Variants in LIMCH1 observed in about 807,000 individuals in gnomAD.
The protein encoded by LIMCH1 is LIM and calponin homology domains 1.
LIMCH1 carries 113 observed loss-of-function variants against 176.5 expected under a neutral mutation model. The observed-to-expected ratio is 0.64, with a 90% CI of 0.55 to 0.75. The LOEUF (loss-of-function observed/expected upper bound fraction) is 0.75, where lower values mean the gene tolerates loss of function less well. Ranked by LOEUF, LIMCH1 falls within the 30% of genes least tolerant of loss-of-function variation. LIMCH1 has a pLI of 0.00. For synonymous variants in LIMCH1, 619 were observed against 645.9 expected, an observed-to-expected ratio of 0.96 and a Z score of 0.63; for missense variants, 1,674 against 1,814.9, an observed-to-expected ratio of 0.92 and a Z score of 1.41.
intron 1 of LIMCH1, among the ~76,000 whole-genome samples, chr4:41,486,973 T>TACACACACACAC (rs1554068488): frequency 9.6e-4 from 83 of 86,778 alleles, no homozygotes; most frequent in African/African-American, 4.1e-3. Flanking sequence ...CACACACACA[T>TACACACACACAC]ACATACACAC....
chr4:41,463,669 C>T (rs551302638), intron 1 of LIMCH1, among the ~76,000 whole-genome samples: 38 of 151,880 alleles, frequency 2.5e-4, no homozygotes, highest in Non-Finnish European at 1.6e-4. Context: ...CCCATTTCCT[C>T]AGCTCAGGCG....
At chr4:41,434,447 A>G (rs1159021561) in intron 1 of LIMCH1, among the ~76,000 whole-genome samples, 1 of 152,212 alleles carries the variant, frequency 6.6e-6, no homozygotes, top group Non-Finnish European at 1.5e-5. Context: ...TGTGATTTGC[A>G]TTCTCCATCT....
upstream of LIMCH1, chr4:41,538,033 T>G (rs1458951645): frequency 3.0e-6 from 1 of 329,026 alleles, no homozygotes; most frequent in East Asian, 1.7e-4. Context: ...CTCTGCACAA[T>G]TCCAATCCTG....
intron 6 of LIMCH1, chr4:41,619,689 T>C (rs2092414268): frequency 3.7e-6 from 2 of 540,162 alleles, no homozygotes; most frequent in Non-Finnish European, 6.6e-6. Flanking sequence ...AGCAGATTTC[T>C]GAAACCAATT....
chr4:41,474,814 C>T (rs1268942246), intron 1 of LIMCH1, among the ~76,000 whole-genome samples: 1 of 152,152 alleles, frequency 6.6e-6, no homozygotes. Flanking sequence ...TCCAGCATCC[C>T]ACCAATGGGC....
intron 1 of LIMCH1, among the ~76,000 whole-genome samples, chr4:41,562,326 A>G (rs926868043): frequency 6.6e-6 from 1 of 152,048 alleles, no homozygotes; most frequent in African/African-American, 2.4e-5. Context: ...TGTGGTGAGG[A>G]TGAGTCAGGC....
chr4:41,651,659 G>T (rs1211799319), intron 18 of LIMCH1, among the ~76,000 whole-genome samples: 1 of 152,086 alleles, frequency 6.6e-6, no homozygotes, highest in African/African-American at 2.4e-5. Flanking sequence ...GGTGCTATCA[G>T]AATCTAGCTT....
intron 1 of LIMCH1, among the ~76,000 whole-genome samples, chr4:41,584,368 C>T (rs1436197863): frequency 6.6e-6 from 1 of 152,102 alleles, no homozygotes; most frequent in Non-Finnish European, 1.5e-5. Flanking sequence ...CTATTTGACT[C>T]CTATTTGAAT....
At chr4:41,497,491 A>G (rs1475595900) in intron 2 of LIMCH1, among the ~76,000 whole-genome samples, 1 of 152,184 alleles carries the variant, frequency 6.6e-6, no homozygotes, top group East Asian at 1.9e-4. Context: ...TAACTTGGCT[A>G]AGATCATACA....
At position 41,541,105 on chromosome 4, in the gene LIMCH1, G is replaced by A. The variant is rs561867272; in HGVS notation, c.-241+2755G>A. Among the ~76,000 whole-genome samples, 7 of 152,304 alleles carry A rather than the reference G, an allele frequency of 4.6e-5. No homozygotes were observed. The East Asian group carries it at 7.7e-4, about 17-fold the overall frequency. ...TAAAGGCAGTGAAAGAAATGTAGAC[G>A]TGGGCATTGGATTGAACCATGAAAC... On this transcript the variant is annotated intron_variant, in intron 1 of 31. Transcript: ENST00000503057.
intron 8 of LIMCH1, among the ~76,000 whole-genome samples, chr4:41,628,296 T>C (rs1243591117): frequency 2.0e-5 from 3 of 152,156 alleles, no homozygotes; most frequent in African/African-American, 7.2e-5. Flanking sequence ...CTCCTCCATG[T>C]AATTTTAATT....
intron 5 of LIMCH1, among the ~76,000 whole-genome samples, chr4:41,618,231 T>C (rs1297141795): frequency 6.6e-6 from 1 of 152,194 alleles, no homozygotes; most frequent in African/African-American, 2.4e-5. Flanking sequence ...TGGCCGCTAC[T>C]TATATGGCAG....
At chr4:41,532,395 A>C (rs1250693166) in intron 3 of LIMCH1, among the ~76,000 whole-genome samples, 1 of 152,232 alleles carries the variant, frequency 6.6e-6, no homozygotes, top group East Asian at 1.9e-4. Flanking sequence ...ATGTGGAATA[A>C]AATCCAAACA....
At chr4:41,369,959 T>TGTGTGTGTGTGTGTGTG (rs57269261) in intron 1 of LIMCH1, among the ~76,000 whole-genome samples, 11 of 144,316 alleles carry the variant, frequency 7.6e-5, no homozygotes, top group Middle Eastern at 3.7e-3. Flanking sequence ...TGTGTGTGTG[T>TGTGTGTGTGTGTGTGTG]TTTGTAGTGA....
At chr4:41,569,589 G>A (rs866909915) in intron 1 of LIMCH1, among the ~76,000 whole-genome samples, 4 of 152,266 alleles carry the variant, frequency 2.6e-5, no homozygotes, top group South Asian at 2.1e-4. Context: ...TGAAATCTAG[G>A]ACCTGTTTTA....
At chr4:41,541,915 A>G (rs551169710) in intron 1 of LIMCH1, among the ~76,000 whole-genome samples, 2 of 152,304 alleles carry the variant, frequency 1.3e-5, no homozygotes, top group South Asian at 2.1e-4. Context: ...AATACCATAA[A>G]GGACACAACT....
intron 8 of LIMCH1, among the ~76,000 whole-genome samples, chr4:41,627,908 G>A (rs1160765174): frequency 6.6e-6 from 1 of 152,188 alleles, no homozygotes; most frequent in Non-Finnish European, 1.5e-5. Context: ...TATCTCAGCT[G>A]TGCTTTAGAC....
chr4:41,598,658 T>A (rs2089372125), intron 1 of LIMCH1, among the ~76,000 whole-genome samples: 1 of 152,192 alleles, frequency 6.6e-6, no homozygotes, highest in Admixed American at 6.5e-5. Context: ...AGTTTTCCTT[T>A]TTAATGGCAT....
chr4:41,629,374 T>C, intron 8 of LIMCH1, 118 bp from the exon 9 acceptor site: 1 of 1,181,190 alleles, frequency 8.5e-7, no homozygotes, highest in Non-Finnish European at 1.2e-6. Flanking sequence ...GAAAAGTGTT[T>C]CCATCATTTT....
Sources: allele counts gnomAD v4.1 joint callset (sites outside exome capture counted in the v4.1 genomes callset), GRCh38; gene constraint gnomAD v4.1.1; transcripts MANE v1.5; gene names NCBI Gene and HGNC (gene_info 2026-07-23, HGNC 2026-07-21).